SLC6A19: variants seen among roughly 807,000 people sequenced by gnomAD.
SLC6A19 encodes the protein solute carrier family 6 member 19.
A neutral mutation model predicts 68.3 loss-of-function variants in SLC6A19; 67 were observed. That is an observed-to-expected ratio of 0.98 (90% CI 0.81 to 1.20). SLC6A19 has a LOEUF of 1.20. SLC6A19 is among the 50% of genes most tolerant of loss of function. The probability of loss-of-function intolerance (pLI) is 0.00; values close to 1 mark genes in which losing one functional copy is unlikely to be tolerated. For synonymous variants in SLC6A19, 392 were observed against 374.9 expected (o/e 1.05, Z -0.53); for missense variants, 813 against 851.6 (o/e 0.95, Z 0.56).
intron 4 of SLC6A19, among the ~76,000 whole-genome samples, chr5:1,213,200 C>G (rs1746095725): frequency 8.8e-6 from 1 of 113,666 alleles, no homozygotes; most frequent in Admixed American, 8.4e-5. Flanking sequence ...GCCTGGCCCC[C>G]CATCCCCATC....
chr5:1,202,892 C>T (rs559772404), intron 1 of SLC6A19, among the ~76,000 whole-genome samples: 7 of 152,152 alleles, frequency 4.6e-5, no homozygotes, highest in Admixed American at 3.3e-4. Flanking sequence ...CGGGGGTGGG[C>T]GCTTCATGAG....
chr5:1,210,135 G>T (rs555531342), intron 2 of SLC6A19, among the ~76,000 whole-genome samples: 2 of 152,394 alleles, frequency 1.3e-5, no homozygotes, highest in South Asian at 4.1e-4. Flanking sequence ...CCTGCTGGAG[G>T]CTGCACTGGG....
At chr5:1,205,123 G>A (rs563594262) in intron 1 of SLC6A19, among the ~76,000 whole-genome samples, 40 of 152,260 alleles carry the variant, frequency 2.6e-4, no homozygotes, top group African/African-American at 3.1e-4. Flanking sequence ...CTGCAGCGCC[G>A]CAGAGAGGCC....
intron 6 of SLC6A19, among the ~76,000 whole-genome samples, chr5:1,216,352 G>A (rs937135937): frequency 6.6e-6 from 1 of 152,186 alleles, no homozygotes; most frequent in African/African-American, 2.4e-5. Flanking sequence ...GTGAGCAGGG[G>A]ACCAGGTGCT....
intron 4 of SLC6A19, among the ~76,000 whole-genome samples, chr5:1,213,178 C>G (rs1389389751): frequency 8.3e-6 from 1 of 120,506 alleles, no homozygotes; most frequent in African/African-American, 3.3e-5. Context: ...CCCACATACC[C>G]GGACTCCACA....
At position 1,210,481 on chromosome 5, in the gene SLC6A19, GTA is replaced by G. The variant is rs759527235; in HGVS notation, c.383_384del (p.Tyr128LeufsTer224). The G allele has an allele frequency of 4.3e-6, 7 of 1,613,310 alleles. No individual in the cohort carries two copies. The Admixed American group carries it at 1.0e-4, about 23-fold the overall frequency. ...TGCTCACGTCCTTCATGGTGGGACT[GTA>G]TTACAACACCATCATCTCCTGGATC... ...SMLTSFMVGL[Y>X]YNTIISWIMW... On this transcript the variant is annotated frameshift_variant, in exon 3 of 12. Transcript: ENST00000304460. LOFTEE classifies it high-confidence loss of function.
rs186563001 is a variant in SLC6A19, at chr5:1,216,160, G to A, written c.888-398G>A. Among the ~76,000 whole-genome samples, 936 of 152,302 alleles carry A rather than the reference G, an allele frequency of 6.1e-3. 7 individuals are homozygous for A. The highest frequency in any genetic ancestry group is 8.5e-3 in the Non-Finnish European group (580 of 68,034). Reference sequence around the variant, plus strand: ...CAGCTGCCAAGCAGCTGGACAGGACGCCTAGGGTGGAGGCTGGGGGAGAAT... The same window carrying A: ...CAGCTGCCAAGCAGCTGGACAGGACACCTAGGGTGGAGGCTGGGGGAGAAT... On this transcript the variant is annotated intron_variant, in intron 6 of 11. Coordinates refer to ENST00000304460, the MANE Select transcript of SLC6A19 (RefSeq NM_001003841.3).
rs1408275819 is a variant in SLC6A19 at position 1,219,614 on chromosome 5, C to T, written c.1488C>T (p.Ile496=). Residue 496 remains isoleucine, a synonymous_variant, in exon 10 of 12, where the codon ATC becomes ATT. Transcript: ENST00000304460. The part of the protein sequence containing the change: ...DSYAGSIPLL[I]IAFCEMFSVV... ...ATGCCGGCTCCATTCCCCTGCTCATCATCGCCTTCTGCGAGATGTTCTCTG... is the reference window on the plus strand; with the variant it reads ...ATGCCGGCTCCATTCCCCTGCTCATTATCGCCTTCTGCGAGATGTTCTCTG... 1.2e-6 allele frequency: 2 copies of T among 1,610,272 alleles called. No individual in the cohort carries two copies. The highest frequency in any genetic ancestry group is 1.3e-5 in the African/African-American group (1 of 74,950).
rs187748770 is a variant in SLC6A19, at chr5:1,209,796, G to A, written c.344-648G>A. 6.7e-6 allele frequency among the ~76,000 whole-genome samples: 1 copy of A among 150,000 alleles called. No homozygotes were observed. Among genetic ancestry groups the A allele is most frequent in the African/African-American group, 2.5e-5 (1 of 40,610 alleles). On this transcript the variant is annotated intron_variant, in intron 2 of 11. Coordinates refer to ENST00000304460, the MANE Select transcript of SLC6A19 (RefSeq NM_001003841.3). The surrounding 1 kb of genome is among the most constrained non-coding windows in gnomAD (Gnocchi z 5.5). ...TTCCCCTATCTCCGTCTCTCCCCCTGTCTCTCTTCCCCATCTCACACTCAC... is the reference window on the plus strand; with the variant it reads ...TTCCCCTATCTCCGTCTCTCCCCCTATCTCTCTTCCCCATCTCACACTCAC...
chr5:1,202,690 G>C (rs752832618), intron 1 of SLC6A19, among the ~76,000 whole-genome samples: 1 of 42,470 alleles, frequency 2.4e-5, no homozygotes, highest in African/African-American at 1.2e-4. Flanking sequence ...GGCAGTTCAC[G>C]GGGGGGCCGT....
chr5:1,209,879 T>A lies in SLC6A19; in HGVS notation c.344-565T>A, dbSNP rs993836432. ...AAACTTCAGTAAAGCATGTACTACATAGCACACTTTCCATCCTGCCTAGCT... is the reference window on the plus strand; with the variant it reads ...AAACTTCAGTAAAGCATGTACTACAAAGCACACTTTCCATCCTGCCTAGCT... On this transcript the variant is annotated intron_variant, in intron 2 of 11. Coordinates refer to ENST00000304460, the MANE Select transcript of SLC6A19 (RefSeq NM_001003841.3). The surrounding 1 kb of genome is among the most constrained non-coding windows in gnomAD (Gnocchi z 5.5). Among the ~76,000 whole-genome samples the A allele has an allele frequency of 2.6e-5, 4 of 152,240 alleles. No individual in the cohort carries two copies. Among genetic ancestry groups the A allele is most frequent in the African/African-American group, 9.6e-5 (4 of 41,456 alleles).
chr5:1,213,499 C>G lies in SLC6A19; in HGVS notation c.700C>G (p.Leu234Val). 5 of 1,609,098 alleles carry G rather than the reference C, an allele frequency of 3.1e-6. No homozygotes were observed. Among genetic ancestry groups the G allele is most frequent in the Non-Finnish European group, 4.2e-6 (5 of 1,178,944 alleles). The change falls in exon 5 of 12, where the codon CTG becomes GTG. Residue 234 changes from leucine to valine, a missense_variant. Transcript: ENST00000304460. ...YITSTLPYVVLTIFLIRGLTL... is the reference protein window; with the variant it reads ...YITSTLPYVVVTIFLIRGLTL... ...CACCTCCACGCTGCCCTATGTCGTC[C>G]TGACCATCTTCCTCATCCGAGGCCT...
intron 8 of SLC6A19, among the ~76,000 whole-genome samples, chr5:1,218,490 G>T (rs916380187): frequency 1.3e-5 from 2 of 152,244 alleles, no homozygotes; most frequent in African/African-American, 4.8e-5. Context: ...GCCTGTCTGT[G>T]AGCACAGCCT....
At chr5:1,221,001 C>T in intron 10 of SLC6A19, 150 bp from the exon 11 acceptor site, 2 of 940,722 alleles carry the variant, frequency 2.1e-6, no homozygotes, top group Non-Finnish European at 3.2e-6. Context: ...GAGGAGGCAC[C>T]CATGACCAGG....
intron 1 of SLC6A19, 116 bp downstream of exon 1, chr5:1,201,968 G>A: frequency 7.4e-7 from 1 of 1,354,762 alleles, no homozygotes; most frequent in Non-Finnish European, 9.9e-7. Context: ...ACGGAGGGGA[G>A]AGGAGAAGCC....
At chr5:1,210,282 G>A (rs1745987799) in intron 2 of SLC6A19, among the ~76,000 whole-genome samples, 162 bp from the exon 3 acceptor site, 1 of 152,236 alleles carries the variant, frequency 6.6e-6, no homozygotes, top group African/African-American at 2.4e-5. Context: ...CACGGCATCA[G>A]CTGCATGATC....
rs1746196965 is a variant in SLC6A19, at chr5:1,215,998, G to GTGT, written c.888-560_888-559insTGT. 1.3e-5 allele frequency among the ~76,000 whole-genome samples: 2 copies of GTGT among 152,220 alleles called. No individual in the cohort carries two copies. The highest frequency in any genetic ancestry group is 4.8e-5 in the African/African-American group (2 of 41,456). Reference sequence around the variant, plus strand: ...AGGCTAACAGATTCAGCTTTTGATGGAAGCATCTGGAAGGATGGTGTCAGC... The same window carrying GTGT: ...AGGCTAACAGATTCAGCTTTTGATGGTGTAAGCATCTGGAAGGATGGTGTCAGC... On this transcript the variant is annotated intron_variant, in intron 6 of 11. Transcript: ENST00000304460. The surrounding 1 kb of genome is among the most constrained non-coding windows in gnomAD (Gnocchi z 5.1).
At chr5:1,217,572 A>C (rs941503820) in intron 8 of SLC6A19, among the ~76,000 whole-genome samples, 33 of 152,190 alleles carry the variant, frequency 2.2e-4, no homozygotes, top group Non-Finnish European at 5.9e-5. Flanking sequence ...CACTGGGAGA[A>C]GAGCTGGGCA....
chr5:1,222,140 GGTGT>G lies in SLC6A19; in HGVS notation c.*241_*244del, dbSNP rs1321598295. 9.9e-6 allele frequency: 6 copies of G among 603,926 alleles called. No homozygotes were observed. The African/African-American group carries it at 1.1e-4, about 11-fold the overall frequency. The allele number at this position is 603,926 out of a possible 1,614,324, so 37.4% of individuals were successfully genotyped here. The stretch of plus-strand genomic sequence containing the variant: ...GTATGCACACATATACATGTGTGTG[GGTGT>G]GTGTATTGTATGTGCATGTGCCATG... On this transcript the variant is annotated 3_prime_UTR_variant, in exon 12 of 12. Transcript: ENST00000304460.
Sources: allele counts gnomAD v4.1 joint callset (sites outside exome capture counted in the v4.1 genomes callset), GRCh38; gene constraint gnomAD v4.1.1; non-coding constraint Gnocchi (gnomAD v3.1); transcripts MANE v1.5; gene names NCBI Gene and HGNC (gene_info 2026-07-23, HGNC 2026-07-21).